The following MEIOB variants were observed in gnomAD, a reference collection of about 807,000 sequenced individuals.
MEIOB encodes the protein meiosis specific with OB-fold.
In MEIOB, 50 loss-of-function variants were observed where a neutral mutation model predicts 53.1. That is an observed-to-expected ratio of 0.94 (90% CI 0.75 to 1.19). MEIOB has a LOEUF of 1.19. Ranked by LOEUF, MEIOB falls within the 50% of genes most tolerant of loss-of-function variation. MEIOB has a pLI of 0.00. For missense variants in MEIOB, 551 were observed against 550.8 expected (o/e 1.00, Z 0.00); for synonymous variants, 192 against 182.5 (o/e 1.05, Z -0.42).
At chr16:1,868,069 G>A in intron 2 of MEIOB, 38 bp downstream of exon 2, 1 of 1,084,778 alleles carries the variant, frequency 9.2e-7, no homozygotes. Flanking sequence ...CACATAAAAT[G>A]TCATCAGTAA....
chr16:1,837,808 C>A lies in MEIOB; in HGVS notation c.1281G>T (p.Leu427Phe). ...CTTTTAAATAAATTTTGCTTCTTTC[C>A]AAGAGAAATTGCCACTTTAATGCTG... ...QKTALKWQFL[L>F]ERSKIYLKFV... The change falls in exon 13 of 14, where the codon TTG (leucine) becomes TTT (phenylalanine). Residue 427 changes from leucine (L) to phenylalanine (F), a missense_variant. Physicochemically the swap from Leu to Phe is conservative, Grantham distance 22 (BLOSUM62 0). Coordinates refer to ENST00000325962, the MANE Select transcript of MEIOB (RefSeq NM_001163560.3). 2 of 1,534,932 alleles carry A rather than the reference C, an allele frequency of 1.3e-6. No individual in the cohort carries two copies. The highest frequency in any genetic ancestry group is 1.8e-6 in the Non-Finnish European group (2 of 1,138,372).
intron 7 of MEIOB, 54 bp downstream of exon 7, chr16:1,854,046 G>T: frequency 1.0e-6 from 1 of 980,218 alleles, no homozygotes; most frequent in South Asian, 1.5e-5. Flanking sequence ...AAATGAAAAT[G>T]TCCTGGTGAT....
At chr16:1,864,441 C>T (rs1039981486) in intron 3 of MEIOB, among the ~76,000 whole-genome samples, 1 of 152,112 alleles carries the variant, frequency 6.6e-6, no homozygotes. Context: ...TTTTCTCCTT[C>T]CCTCACAGTC....
intron 1 of MEIOB, 144 bp from the exon 2 acceptor site, chr16:1,868,328 G>A: frequency 2.2e-6 from 1 of 447,478 alleles, no homozygotes. Context: ...AGGCTGAAGT[G>A]GATGGATCAC....
In MEIOB at chr16:1,853,098, T is replaced by G; in HGVS notation, c.719A>C (p.Lys240Thr). The stretch of plus-strand genomic sequence containing the variant: ...AGTTGCTGTCATGCAGTTCCGAAAT[T>G]TGTCAAAATTTATTCTTACATCTGA... Reference protein sequence around the residue: ...FASDVRINFDKFRNCMTATVI... With the variant: ...FASDVRINFDTFRNCMTATVI... Residue 240 changes from lysine (K) to threonine (T), a missense_variant, in exon 9 of 14, where the codon AAA (lysine) becomes ACA (threonine). Transcript: ENST00000325962. The G allele has an allele frequency of 6.2e-7, 1 of 1,613,018 alleles. No individual in the cohort carries two copies. Among genetic ancestry groups the G allele is most frequent in the Non-Finnish European group, 8.5e-7 (1 of 1,179,280 alleles).
intron 12 of MEIOB, 110 bp downstream of exon 12, chr16:1,839,145 T>C (rs1050550254): frequency 7.7e-7 from 1 of 1,297,744 alleles, no homozygotes; most frequent in Admixed American, 3.1e-5. Flanking sequence ...CCAGGCTGTT[T>C]ATTAGTGAAT....
intron 6 of MEIOB, among the ~76,000 whole-genome samples, chr16:1,855,065 G>C (rs1202718054): frequency 6.6e-6 from 1 of 152,146 alleles, no homozygotes; most frequent in Admixed American, 6.6e-5. Context: ...GGAAGGTGGA[G>C]AACACTGTAT....
intron 9 of MEIOB, among the ~76,000 whole-genome samples, chr16:1,849,873 A>G (rs1899119671): frequency 6.6e-6 from 1 of 152,198 alleles, no homozygotes; most frequent in Non-Finnish European, 1.5e-5. Context: ...AAAAATGATA[A>G]GTATGTGAAG....
At chr16:1,870,802 T>A (rs1049694760) in intron 1 of MEIOB, among the ~76,000 whole-genome samples, 1 of 152,218 alleles carries the variant, frequency 6.6e-6, no homozygotes, top group Non-Finnish European at 1.5e-5. Flanking sequence ...TGTCACTATC[T>A]AAAACACTTG....
In MEIOB at chr16:1,858,635, A is replaced by G. The variant is rs550910058; in HGVS notation, c.333-705T>C. 8.6e-4 allele frequency among the ~76,000 whole-genome samples: 131 copies of G among 152,302 alleles called. 1 individual carries two copies. Among genetic ancestry groups the G allele is most frequent in the African/African-American group, 2.9e-3 (120 of 41,556 alleles). ...ATTATTTCCCAGCTCAAAGACCATC[A>G]TTGTGGCTACCAGTCACAAAGGAAA... On this transcript the variant is annotated intron_variant, in intron 5 of 13. Transcript: ENST00000325962.
intron 10 of MEIOB, among the ~76,000 whole-genome samples, chr16:1,842,623 C>CAAAAAAA (rs202147878): frequency 7.2e-5 from 7 of 97,774 alleles, no homozygotes; most frequent in Non-Finnish European, 8.4e-5. Flanking sequence ...AACTCCATCT[C>CAAAAAAA]AAAAAGACAG....
intron 4 of MEIOB, 119 bp from the exon 5 acceptor site, chr16:1,860,594 TCA>T (rs2150821472): frequency 1.6e-6 from 1 of 622,474 alleles, no homozygotes; most frequent in Non-Finnish European, 2.8e-6. Context: ...TAAAAATTCC[TCA>T]CCTCATTCAT....
chr16:1,838,187 A>G (rs1416165386), intron 12 of MEIOB: 1 of 474,576 alleles, frequency 2.1e-6, no homozygotes, highest in Non-Finnish European at 3.7e-6. Flanking sequence ...TTTTGTAGAG[A>G]CAGGGTCTCA....
chr16:1,857,239 G>A lies in MEIOB; in HGVS notation c.528+496C>T, dbSNP rs573609145. 4.3e-3 allele frequency among the ~76,000 whole-genome samples: 659 copies of A among 152,194 alleles called. 5 individuals are homozygous for A. Among genetic ancestry groups the A allele is most frequent in the Middle Eastern group, 0.014 (4 of 294 alleles). ...GTGCCCCACGGAGGGCCATCCTCCC[G>A]TGCACCTCACCAGCATGGTCCCACT... On this transcript the variant is annotated intron_variant, in intron 6 of 13. Transcript: ENST00000325962.
chr16:1,839,492 A>C, intron 11 of MEIOB, 54 bp from the exon 12 acceptor site: 71 of 1,479,680 alleles, frequency 4.8e-5, no homozygotes, highest in Non-Finnish European at 6.1e-5. Flanking sequence ...TACAAATTTC[A>C]TCTGTAGCAG....
At chr16:1,867,462 A>AT (rs869208139) in intron 2 of MEIOB, among the ~76,000 whole-genome samples, 2,996 of 102,768 alleles carry the variant, frequency 0.029, 140 homozygotes, top group African/African-American at 0.053. Context: ...AAATGGTTTA[A>AT]TTTTTTTTTT....
intron 1 of MEIOB, among the ~76,000 whole-genome samples, chr16:1,869,632 T>C (rs539969335): frequency 1.3e-5 from 2 of 151,882 alleles, no homozygotes; most frequent in African/African-American, 2.4e-5. Flanking sequence ...TTTGCATTTT[T>C]AGTAGAGACG....
At chr16:1,843,414 G>T (rs988321353) in intron 10 of MEIOB, 1 of 152,068 alleles carries the variant, frequency 6.6e-6, no homozygotes, top group Admixed American at 6.5e-5. Flanking sequence ...TTAAACAAGA[G>T]TAGGCCGGAT....
At chr16:1,852,869 G>A (rs1282644096) in intron 9 of MEIOB, among the ~76,000 whole-genome samples, 170 bp downstream of exon 9, 9 of 152,124 alleles carry the variant, frequency 5.9e-5, no homozygotes. Flanking sequence ...CATTTCTTTA[G>A]TAAAGATATC....
Sources: allele counts gnomAD v4.1 joint callset (sites outside exome capture counted in the v4.1 genomes callset), GRCh38; gene constraint gnomAD v4.1.1; transcripts MANE v1.5; gene names NCBI Gene and HGNC (gene_info 2026-07-23, HGNC 2026-07-21).